Variants in UXS1 observed in about 807,000 individuals in gnomAD.
UXS1 encodes UDP-glucuronic acid decarboxylase 1.
A neutral mutation model predicts 62.6 loss-of-function variants in UXS1; 33 were observed. The observed-to-expected ratio is 0.53, with a 90% CI of 0.40 to 0.70. The LOEUF (loss-of-function observed/expected upper bound fraction) is 0.70. Ranked by LOEUF, UXS1 falls within the 30% of genes least tolerant of loss-of-function variation. UXS1 has a pLI of 0.00. For missense variants in UXS1, 434 were observed against 556.3 expected (o/e 0.78, Z 2.21); for synonymous variants, 213 against 206.8 (o/e 1.03, Z -0.26).
At chr2:106,149,848 T>A (rs1191066686) in intron 5 of UXS1, among the ~76,000 whole-genome samples, 3 of 152,166 alleles carry the variant, frequency 2.0e-5, no homozygotes, top group African/African-American at 7.2e-5. Context: ...AAAGAAACAG[T>A]GGTGAGGCCT....
chr2:106,173,824 T>C (rs774693963), intron 1 of UXS1, among the ~76,000 whole-genome samples: 3 of 152,252 alleles, frequency 2.0e-5, no homozygotes, highest in Non-Finnish European at 4.4e-5. Flanking sequence ...TTTCTAGCTC[T>C]TGGATCTTAC....
chr2:106,157,831 G>A (rs1239646595), intron 5 of UXS1, among the ~76,000 whole-genome samples: 1 of 152,160 alleles, frequency 6.6e-6, no homozygotes, highest in East Asian at 1.9e-4. Flanking sequence ...TCCCAGAGCT[G>A]GCGGGAGGGG....
intron 5 of UXS1, among the ~76,000 whole-genome samples, chr2:106,150,673 G>A (rs867395117): frequency 6.6e-6 from 1 of 152,210 alleles, no homozygotes; most frequent in Admixed American, 6.5e-5. Context: ...GATTTCAAAG[G>A]ATGTCACAAA....
At chr2:106,174,946 A>G (rs1443002557) in intron 1 of UXS1, among the ~76,000 whole-genome samples, 1 of 152,206 alleles carries the variant, frequency 6.6e-6, no homozygotes, top group Non-Finnish European at 1.5e-5. Context: ...TCCCATCTGC[A>G]TGGAAGAAAC....
At chr2:106,124,477 T>C (rs969183892) in intron 8 of UXS1, among the ~76,000 whole-genome samples, 3 of 152,242 alleles carry the variant, frequency 2.0e-5, no homozygotes, top group Non-Finnish European at 2.9e-5. Flanking sequence ...CTTTCCAGCA[T>C]TCTGTGAGGC....
intron 1 of UXS1, among the ~76,000 whole-genome samples, chr2:106,170,277 A>T (rs1683470149): frequency 1.3e-5 from 2 of 152,142 alleles, no homozygotes; most frequent in Non-Finnish European, 2.9e-5. Flanking sequence ...TCATCTGAGC[A>T]TCTGATTCTC....
intron 1 of UXS1, among the ~76,000 whole-genome samples, chr2:106,170,115 T>A (rs1421634326): frequency 2.0e-5 from 3 of 151,964 alleles, no homozygotes; most frequent in South Asian, 2.1e-4. Context: ...CCTTCCCCAC[T>A]CAGACCTCCA....
chr2:106,156,933 G>A (rs1682480600), intron 5 of UXS1, among the ~76,000 whole-genome samples: 1 of 152,122 alleles, frequency 6.6e-6, no homozygotes, highest in African/African-American at 2.4e-5. Flanking sequence ...ATGAAATACT[G>A]ATACAAGCTA....
chr2:106,149,341 T>C (rs916597392), intron 5 of UXS1, among the ~76,000 whole-genome samples: 1 of 152,224 alleles, frequency 6.6e-6, no homozygotes, highest in African/African-American at 2.4e-5. Context: ...GCTGTGCTTT[T>C]AACGTGTCCA....
At chr2:106,138,966 G>C (rs1041757433) in intron 6 of UXS1, 1 of 765,600 alleles carries the variant, frequency 1.3e-6, no homozygotes, top group African/African-American at 1.9e-5. Flanking sequence ...ATTCAGAGCA[G>C]GGACAAATAA....
At chr2:106,109,222 T>C (rs1678373651) in intron 10 of UXS1, among the ~76,000 whole-genome samples, 1 of 152,178 alleles carries the variant, frequency 6.6e-6, no homozygotes, top group Admixed American at 6.5e-5. Flanking sequence ...CCTGTCATGA[T>C]GGTCCTGAAT....
intron 1 of UXS1, among the ~76,000 whole-genome samples, chr2:106,181,285 AACCTCAT>A (rs1684227638): frequency 6.6e-6 from 1 of 152,150 alleles, no homozygotes; most frequent in Admixed American, 6.5e-5. Flanking sequence ...GGGGCTCTGG[AACCTCAT>A]CTCTCTCTGA....
At chr2:106,105,637 G>A (rs559378797) in intron 10 of UXS1, among the ~76,000 whole-genome samples, 4 of 152,308 alleles carry the variant, frequency 2.6e-5, no homozygotes, top group Non-Finnish European at 2.9e-5. Flanking sequence ...AAGGACTGGT[G>A]TCCGAACCCC....
At chr2:106,098,379 T>C (rs1265325213) in intron 13 of UXS1, among the ~76,000 whole-genome samples, 3 of 152,208 alleles carry the variant, frequency 2.0e-5, no homozygotes, top group Non-Finnish European at 4.4e-5. Context: ...TCTTGCTGTC[T>C]GAAATTCTAT....
At chr2:106,146,541 G>A (rs917403116) in intron 5 of UXS1, among the ~76,000 whole-genome samples, 5 of 152,044 alleles carry the variant, frequency 3.3e-5, no homozygotes, top group African/African-American at 1.2e-4. Context: ...CACTTTGGGA[G>A]GCCGAGACAG....
At chr2:106,171,509 C>T (rs1219665830) in intron 1 of UXS1, among the ~76,000 whole-genome samples, 2 of 152,042 alleles carry the variant, frequency 1.3e-5, no homozygotes, top group Non-Finnish European at 2.9e-5. Flanking sequence ...AATTCAAGAC[C>T]CCGAACAAAT....
chr2:106,172,333 T>C (rs1025493942), intron 1 of UXS1, among the ~76,000 whole-genome samples: 1 of 152,214 alleles, frequency 6.6e-6, no homozygotes, highest in African/African-American at 2.4e-5. Context: ...TACCCCTTTA[T>C]TGAGACCTAG....
chr2:106,187,014 T>C lies in UXS1; in HGVS notation c.94+7134A>G, dbSNP rs541777810. The stretch of plus-strand genomic sequence containing the variant: ...TGTAAAGTACTTGAAGGTGAAGTAC[T>C]GTTACGTCTGCACCTTTCAAATATT... On this transcript the variant is annotated intron_variant, in intron 1 of 14. Transcript: ENST00000283148. Among the ~76,000 whole-genome samples, 6 of 152,238 alleles carry C rather than the reference T, an allele frequency of 3.9e-5. No individual in the cohort carries two copies. The South Asian group carries it at 1.2e-3, about 32-fold the overall frequency.
chr2:106,129,820 C>T lies in UXS1; in HGVS notation c.473-42G>A. The stretch of plus-strand genomic sequence containing the variant: ...AGAAGCCTATTACTTCAAAAAAGCA[C>T]CAAAAAAATACTGACCTCCTAGGAT... On this transcript the variant is annotated intron_variant, in intron 6 of 14. Coordinates refer to ENST00000283148, the MANE Select transcript of UXS1 (RefSeq NM_001253875.2). 6 of 1,380,512 alleles carry T rather than the reference C, an allele frequency of 4.3e-6. No individual in the cohort carries two copies. The East Asian group carries it at 1.4e-4, about 33-fold the overall frequency. 85.5% of individuals were successfully genotyped at this position (1,380,512 alleles called of 1,614,324 possible).
Sources: gnomAD v4.1 joint callset for allele counts (sites outside exome capture counted in the v4.1 genomes callset) on GRCh38, gnomAD v4.1.1 for gene constraint, MANE v1.5 for transcripts, NCBI Gene and HGNC (gene_info 2026-07-23, HGNC 2026-07-21) for gene names.